AADACL3: variants seen among roughly 807,000 people sequenced by gnomAD.
The protein encoded by AADACL3 is arylacetamide deacetylase-like 3.
In AADACL3, 13 loss-of-function variants were observed where a neutral mutation model predicts 13.6. The ratio of observed to expected loss-of-function variants is 0.95; its 90% CI spans 0.62 to 1.52. The LOEUF (loss-of-function observed/expected upper bound fraction) is 1.52, where lower values mean the gene tolerates loss of function less well. Among genes scored for constraint, AADACL3 ranks in the 40% most tolerant of loss-of-function variants. The pLI, the probability that AADACL3 is intolerant of heterozygous loss-of-function variation, is 0.00. For missense variants in AADACL3, 519 were observed against 499.2 expected (o/e 1.04, Z -0.38); for synonymous variants, 195 against 197.0 (o/e 0.99, Z 0.08).
At chr1:12,719,240 G>A (rs1313038805) in intron 1 of AADACL3, among the ~76,000 whole-genome samples, 1 of 152,204 alleles carries the variant, frequency 6.6e-6, no homozygotes. Context: ...GAAGGTGTCA[G>A]GAGAGTGGGT....
At chr1:12,723,663 G>A (rs1305532148) in intron 3 of AADACL3, among the ~76,000 whole-genome samples, 1 of 152,096 alleles carries the variant, frequency 6.6e-6, no homozygotes, top group Non-Finnish European at 1.5e-5. Context: ...ATTTTTGGTA[G>A]AGGCAGGGTT....
rs1230229120 is a variant in AADACL3, at chr1:12,728,219, G to A, written c.*2223G>A. On this transcript the variant is annotated 3_prime_UTR_variant, in exon 4 of 4. Coordinates refer to ENST00000359318, the MANE Select transcript of AADACL3 (RefSeq NM_001103170.3). Reference sequence around the variant, plus strand: ...TCACCCAGGGCCAGCTACATGCTAGGCACTGTACTGGACCATTTAAATTTG... The same window carrying A: ...TCACCCAGGGCCAGCTACATGCTAGACACTGTACTGGACCATTTAAATTTG... 2 of 152,184 alleles carry A rather than the reference G, an allele frequency of 1.3e-5. No homozygotes were observed. The highest frequency in any genetic ancestry group is 6.5e-5 in the Admixed American group (1 of 15,278). The allele number at this position is 152,184 out of a possible 1,614,324, so 9.4% of individuals were successfully genotyped here.
intron 2 of AADACL3, among the ~76,000 whole-genome samples, 158 bp from the exon 3 acceptor site, chr1:12,720,725 C>T (rs778773396): frequency 4.6e-5 from 7 of 151,970 alleles, no homozygotes; most frequent in African/African-American, 1.7e-4. Context: ...GGCAGTACCA[C>T]GAAGGAGAAT....
In AADACL3 at chr1:12,725,484, A is replaced by G. The variant is rs140430572; in HGVS notation, c.712A>G (p.Arg238Gly). ...LDLQTPSFQQ[R>G]KNIPLLTWSF... ...TTTACAAACCCCTTCGTTTCAACAGAGGAAAAACATCCCACTGCTCACCTG... is the reference window on the plus strand; with the variant it reads ...TTTACAAACCCCTTCGTTTCAACAGGGGAAAAACATCCCACTGCTCACCTG... The change falls in exon 4 of 4, where the codon AGG becomes GGG. Residue 238 changes from arginine (R) to glycine (G), a missense_variant. Coordinates refer to ENST00000359318, the MANE Select transcript of AADACL3 (RefSeq NM_001103170.3). The G allele has an allele frequency of 2.8e-4, 457 of 1,614,028 alleles. 3 individuals are homozygous for G. The African/African-American group carries it at 4.8e-3, about 17-fold the overall frequency.
At chr1:12,719,099 C>T (rs554978388) in intron 1 of AADACL3, among the ~76,000 whole-genome samples, 78 of 152,274 alleles carry the variant, frequency 5.1e-4, no homozygotes, top group African/African-American at 1.9e-3. Flanking sequence ...TGGGACGGCA[C>T]AGGAAGGCCT....
chr1:12,717,714 C>T (rs941723113), intron 1 of AADACL3, among the ~76,000 whole-genome samples: 1 of 152,092 alleles, frequency 6.6e-6, no homozygotes, highest in African/African-American at 2.4e-5. Context: ...AACAGCTTCC[C>T]AAAGCGGAGA....
At position 12,725,968 on chromosome 1, in the gene AADACL3, C is replaced by T. The variant is rs201526793; in HGVS notation, c.1196C>T (p.Ala399Val). 13 of 1,613,038 alleles carry T rather than the reference C, an allele frequency of 8.1e-6. No individual in the cohort carries two copies. The highest frequency in any genetic ancestry group is 1.0e-5 in the Non-Finnish European group (12 of 1,179,504). The change falls in exon 4 of 4, where the codon GCA (alanine) becomes GTA (valine). Residue 399 changes from alanine (A) to valine (V), a missense_variant. Transcript: ENST00000359318. ...HFPCSMRILSALVQFVKGL is the reference protein window; with the variant it reads ...HFPCSMRILSVLVQFVKGL ...CCCTGCTCCATGAGAATTCTGAGTG[C>T]ATTAGTTCAATTTGTAAAGGGACTG... is the stretch of plus-strand genomic sequence containing the variant.
At chr1:12,717,879 G>C (rs188066309) in intron 1 of AADACL3, among the ~76,000 whole-genome samples, 1 of 152,024 alleles carries the variant, frequency 6.6e-6, no homozygotes, top group Non-Finnish European at 1.5e-5. Context: ...ACACAAGGGG[G>C]TCATGGATTT....
chr1:12,724,790 G>A (rs1638333994), intron 3 of AADACL3, among the ~76,000 whole-genome samples: 1 of 152,184 alleles, frequency 6.6e-6, no homozygotes, highest in Non-Finnish European at 1.5e-5. Context: ...TGGCCAACCT[G>A]CTGTATTTAA....
chr1:12,723,817 C>A (rs1638312720), intron 3 of AADACL3, among the ~76,000 whole-genome samples: 1 of 139,686 alleles, frequency 7.2e-6, no homozygotes, highest in African/African-American at 2.8e-5. Flanking sequence ...GAGTTTCACT[C>A]TTGTTGCCCA....
In AADACL3 at chr1:12,726,317, G is replaced by A; in HGVS notation, c.*321G>A. On this transcript the variant is annotated 3_prime_UTR_variant, in exon 4 of 4. Transcript: ENST00000359318. ...CTGTTCTCAGCCTCCCTAAGGGGCA[G>A]TTCAGGCTCCCAGATTGATCCAGAC... 3.1e-6 allele frequency: 1 copy of A among 324,896 alleles called. No individual in the cohort carries two copies. Among genetic ancestry groups the A allele is most frequent in the Admixed American group, 4.6e-5 (1 of 21,894 alleles). The allele number at this position is 324,896 out of a possible 1,614,324, so 20.1% of individuals were successfully genotyped here.
At chr1:12,717,112 T>C (rs1648454372) in intron 1 of AADACL3, among the ~76,000 whole-genome samples, 2 of 152,242 alleles carry the variant, frequency 1.3e-5, no homozygotes, top group Non-Finnish European at 2.9e-5. Flanking sequence ...TTTGTAAGTT[T>C]CTTACATAAC....
intron 1 of AADACL3, among the ~76,000 whole-genome samples, chr1:12,717,163 G>C (rs993596902): frequency 5.3e-5 from 8 of 152,212 alleles, no homozygotes; most frequent in Middle Eastern, 3.4e-3. Context: ...AGACACCCTA[G>C]GTGTGTCTTC....
At chr1:12,717,041 C>T (rs1346552724) in intron 1 of AADACL3, among the ~76,000 whole-genome samples, 1 of 152,156 alleles carries the variant, frequency 6.6e-6, no homozygotes, top group Non-Finnish European at 1.5e-5. Flanking sequence ...TAGGTGTTGC[C>T]AATACGGATT....
chr1:12,724,145 A>T (rs2100214973), intron 3 of AADACL3, among the ~76,000 whole-genome samples: 1 of 152,096 alleles, frequency 6.6e-6, no homozygotes. Flanking sequence ...TTTCCAACTC[A>T]CTTATTCTAG....
At position 12,725,743 on chromosome 1, in the gene AADACL3, CGCCCCTGATTGCAGAAGATGACATA is replaced by C. The variant is rs1557572712; in HGVS notation, c.973_997del (p.Pro325CysfsTer10). ...AGTGTTGTCCTGGATGTGATGTGCTCGCCCCTGATTGCAGAAGATGACATAGTGTCTCAGCTCCCGGAAACCTGCA... is the reference window on the plus strand; with the variant it reads ...AGTGTTGTCCTGGATGTGATGTGCTCGTGTCTCAGCTCCCGGAAACCTGCA... On this transcript the variant is annotated frameshift_variant, in exon 4 of 4. Transcript: ENST00000359318. LOFTEE classifies it low-confidence loss of function (END_TRUNC). The C allele has an allele frequency of 6.2e-7, 1 of 1,614,094 alleles. No homozygotes were observed. The highest frequency in any genetic ancestry group is 8.5e-7 in the Non-Finnish European group (1 of 1,180,024).
Position 12,725,902 on chromosome 1 carries a change from A to T in AADACL3, c.1130A>T (p.His377Leu). Residue 377 changes from histidine to leucine, a missense_variant, in exon 4 of 4, where the codon CAT (histidine) becomes CTT (leucine). Coordinates refer to ENST00000359318, the MANE Select transcript of AADACL3 (RefSeq NM_001103170.3). ...VTWHHMEDGF[H>L]GVLRTIDMSF... ...TGGCACCATATGGAGGATGGTTTCC[A>T]TGGAGTGCTCAGGACCATTGACATG... The T allele has an allele frequency of 6.2e-7, 1 of 1,614,206 alleles. No individual in the cohort carries two copies. Among genetic ancestry groups the T allele is most frequent in the South Asian group, 1.1e-5 (1 of 91,084 alleles).
intron 3 of AADACL3, among the ~76,000 whole-genome samples, chr1:12,722,386 C>T (rs531726600): frequency 7.4e-4 from 112 of 150,742 alleles, no homozygotes; most frequent in Admixed American, 3.0e-3. Context: ...GAGAGAGAGA[C>T]CTGGATAAAC....
chr1:12,720,580 T>C (rs1443099651), intron 2 of AADACL3, among the ~76,000 whole-genome samples: 1 of 152,092 alleles, frequency 6.6e-6, no homozygotes, highest in Non-Finnish European at 1.5e-5. Flanking sequence ...AGGGGCAAAG[T>C]TGAGATTTGA....
Sources: allele counts gnomAD v4.1 joint callset (sites outside exome capture counted in the v4.1 genomes callset), GRCh38; gene constraint gnomAD v4.1.1; transcripts MANE v1.5; gene names NCBI Gene and HGNC (gene_info 2026-07-23, HGNC 2026-07-21).